Variants in IQSEC2 observed in about 807,000 individuals in gnomAD.
IQSEC2 encodes the protein IQ motif and Sec7 domain ArfGEF 2, also known as IQ motif and SEC7 domain-containing protein 2.
Under a neutral mutation model 74.6 loss-of-function variants are expected in IQSEC2, and 6 were observed. The ratio of observed to expected loss-of-function variants is 0.08; its 90% confidence interval spans 0.04 to 0.16. The LOEUF (loss-of-function observed/expected upper bound fraction) is 0.16, where lower values mean the gene tolerates loss of function less well. Ranked by LOEUF, IQSEC2 falls within the 10% of genes least tolerant of loss-of-function variation. The pLI is 1.00. For synonymous variants in IQSEC2, 494 were observed against 544.5 expected (o/e 0.91, Z 1.29); for missense variants, 734 against 1,306.2 (o/e 0.56, Z 6.75).
At chrX:53,298,129 C>CA (rs35960007) in intron 1 of IQSEC2, among the ~76,000 whole-genome samples, 10,829 of 109,901 alleles carry the variant, frequency 0.099, 445 homozygotes, top group East Asian at 0.23. Context: ...GACTCCGTCT[C>CA]AAAAAAAAGA....
At chrX:53,267,311 A>G (rs889278030) in intron 2 of IQSEC2, among the ~76,000 whole-genome samples, 1 of 112,022 alleles carries the variant, frequency 8.9e-6, no homozygotes, top group African/African-American at 3.2e-5. Flanking sequence ...CCCTCAGCGT[A>G]TATCAACTCC....
chrX:53,290,895 G>T, intron 2 of IQSEC2, among the ~76,000 whole-genome samples: 2 of 112,788 alleles, frequency 1.8e-5, no homozygotes, highest in East Asian at 2.8e-4. Flanking sequence ...AAAAGGATAT[G>T]AACAGGGGCT....
chrX:53,260,850 A>G (rs1556866390), intron 2 of IQSEC2, among the ~76,000 whole-genome samples: 1 of 111,786 alleles, frequency 8.9e-6, no homozygotes, highest in Admixed American at 9.5e-5. Context: ...AACTTGCTCA[A>G]GGTCACATAG....
At chrX:53,300,380 G>A (rs1217919859) in intron 1 of IQSEC2, among the ~76,000 whole-genome samples, 17 of 111,287 alleles carry the variant, frequency 1.5e-4, no homozygotes, top group African/African-American at 3.3e-4. Flanking sequence ...TCCAGGAAGC[G>A]TATCTTAACA....
rs187186062 is a variant in IQSEC2, at chrX:53,251,185, G to T, written c.1402-11C>A. 7.9e-5 allele frequency: 95 copies of T among 1,203,590 alleles called. No homozygotes were observed. In the African/African-American group the frequency reaches 7.9e-4, roughly 10 times the overall value. ...AGCCAGAGACTTTACCTGTGCAAGG[G>T]GGGGAGGAGAGGAGGGAAAGGGAGA... is the stretch of plus-strand genomic sequence containing the variant. On this transcript the variant is annotated splice_polypyrimidine_tract_variant and intron_variant, in intron 4 of 14. Coordinates refer to ENST00000642864, the MANE Select transcript of IQSEC2 (RefSeq NM_001111125.3).
chrX:53,241,449 T>TG (rs1451693410), intron 10 of IQSEC2, among the ~76,000 whole-genome samples: 3 of 111,483 alleles, frequency 2.7e-5, no homozygotes, highest in Non-Finnish European at 3.8e-5. Flanking sequence ...CAGACTGACC[T>TG]GGGGGGTCGC....
At chrX:53,311,817 G>A (rs1602373351) in intron 1 of IQSEC2, among the ~76,000 whole-genome samples, 1 of 112,286 alleles carries the variant, frequency 8.9e-6, no homozygotes, top group African/African-American at 3.2e-5. Context: ...TCGGGAGGCT[G>A]AGGCAGGAGA....
downstream of IQSEC2, chrX:53,228,849 A>T (rs1370566144): frequency 8.9e-6 from 1 of 112,306 alleles, no homozygotes; most frequent in Non-Finnish European, 1.9e-5. Flanking sequence ...GATGTCTAGT[A>T]TAGAAATATA....
At chrX:53,316,962 AGCTTCAGCCCACCACC>A (rs1270681611) in intron 1 of IQSEC2, among the ~76,000 whole-genome samples, 3 of 110,676 alleles carry the variant, frequency 2.7e-5, no homozygotes, top group Admixed American at 1.9e-4. Flanking sequence ...CCACCATACC[AGCTTCAGCCCACCACC>A]GCCTACAGCA....
intron 2 of IQSEC2, among the ~76,000 whole-genome samples, chrX:53,262,542 G>A (rs1406789286): frequency 8.9e-6 from 1 of 112,472 alleles, no homozygotes; most frequent in Non-Finnish European, 1.9e-5. Context: ...ACCTGGATGG[G>A]ACCAGGGGCT....
At chrX:53,286,953 AAAAAG>A (rs1363566780) in intron 2 of IQSEC2, among the ~76,000 whole-genome samples, 1,246 of 105,456 alleles carry the variant, frequency 0.012, 24 homozygotes, top group African/African-American at 0.041. Context: ...AAAAAAAAAA[AAAAAG>A]AAAAAGAAAA....
chrX:53,245,392 C>T (rs1375690917), intron 8 of IQSEC2, among the ~76,000 whole-genome samples: 1 of 100,402 alleles, frequency 1.0e-5, no homozygotes, highest in African/African-American at 3.7e-5. Flanking sequence ...AGCACCACTG[C>T]AATCCAGCCT....
At chrX:53,251,290 T>C in intron 4 of IQSEC2, 116 bp from the exon 5 acceptor site, 2 of 780,089 alleles carry the variant, frequency 2.6e-6, no homozygotes, top group East Asian at 3.4e-5. Context: ...GGAGTCTTCC[T>C]GGTAGGTCAG....
At chrX:53,289,255 C>T (rs782774859) in intron 2 of IQSEC2, among the ~76,000 whole-genome samples, 2 of 109,317 alleles carry the variant, frequency 1.8e-5, no homozygotes, top group African/African-American at 3.5e-5. Context: ...GAGAGCAACC[C>T]ACCCCCCAAA....
At chrX:53,258,207 C>A (rs2074508050) in intron 2 of IQSEC2, among the ~76,000 whole-genome samples, 1 of 112,160 alleles carries the variant, frequency 8.9e-6, no homozygotes, top group South Asian at 3.7e-4. Context: ...AGAAGCCCTC[C>A]TGAATCCCGC....
chrX:53,311,941 C>A (rs1237279256), intron 1 of IQSEC2, among the ~76,000 whole-genome samples: 2 of 111,246 alleles, frequency 1.8e-5, no homozygotes, highest in Non-Finnish European at 3.8e-5. Flanking sequence ...ACAAAAACAA[C>A]ACAAAAACAA....
intron 10 of IQSEC2, chrX:53,239,710 G>C (rs1167324760): frequency 5.2e-6 from 1 of 192,267 alleles, no homozygotes; most frequent in Admixed American, 7.2e-5. Flanking sequence ...TCTGGTTGTC[G>C]GGTTCTGTCA....
intron 13 of IQSEC2, 85 bp from the exon 14 acceptor site, chrX:53,235,917 G>GA: frequency 1.1e-6 from 1 of 942,235 alleles, no homozygotes; most frequent in Non-Finnish European, 1.5e-6. Flanking sequence ...ACCAGGACTG[G>GA]GCCCCTCCCG....
In IQSEC2 at chrX:53,241,685, C is replaced by G. The variant is rs1371755074; in HGVS notation, c.3015+99G>C. The G allele has an allele frequency of 9.8e-5, 110 of 1,124,043 alleles. No homozygotes were observed. The East Asian group carries it at 1.8e-3, about 18-fold the overall frequency. The allele number at this position is 1,124,043 out of a possible 1,213,427, so 92.6% of individuals were successfully genotyped here. ...GCATGGCAGAACACCTCGCCCGCCA[C>G]ACTCCACACACCACACACCTACATC... On this transcript the variant is annotated intron_variant, in intron 10 of 14. Coordinates refer to ENST00000642864, the MANE Select transcript of IQSEC2 (RefSeq NM_001111125.3).
Sources: gnomAD v4.1 joint callset for allele counts (sites outside exome capture counted in the v4.1 genomes callset) on GRCh38, gnomAD v4.1.1 for gene constraint, MANE v1.5 for transcripts, NCBI Gene and HGNC (gene_info 2026-07-23, HGNC 2026-07-21) for gene names.